The following OPCML variants were observed in gnomAD, a reference collection of about 807,000 sequenced individuals.
OPCML encodes the protein opioid binding protein/cell adhesion molecule like, also known as opioid-binding protein/cell adhesion molecule.
Under a neutral mutation model 37.8 loss-of-function variants are expected in OPCML, and 13 were observed. The observed-to-expected ratio is 0.34, with a 90% CI of 0.22 to 0.55. The LOEUF is 0.55. OPCML is among the 20% of genes least tolerant of loss of function. The probability of loss-of-function intolerance (pLI) is 0.91; values close to 1 mark genes in which losing one functional copy is unlikely to be tolerated. For synonymous variants in OPCML, 176 were observed against 168.8 expected, an observed-to-expected ratio of 1.04 and a Z score of -0.33; for missense variants, 341 against 435.6, an observed-to-expected ratio of 0.78 and a Z score of 1.93.
chr11:133,135,017 C>T (rs1282760359), intron 1 of OPCML, among the ~76,000 whole-genome samples: 2 of 152,170 alleles, frequency 1.3e-5, no homozygotes, highest in Non-Finnish European at 2.9e-5. Context: ...AAAACAGCCT[C>T]ATATTCATTT....
At chr11:132,611,889 A>G (rs958024005) in intron 3 of OPCML, among the ~76,000 whole-genome samples, 4 of 152,192 alleles carry the variant, frequency 2.6e-5, no homozygotes, top group African/African-American at 9.6e-5. Flanking sequence ...AGTCCCAGGC[A>G]AACCTTGATG....
intron 2 of OPCML, among the ~76,000 whole-genome samples, chr11:132,812,964 A>G (rs1939429958): frequency 6.6e-6 from 1 of 152,240 alleles, no homozygotes; most frequent in Non-Finnish European, 1.5e-5. Context: ...TTGTACAGCT[A>G]TGATTTACTA....
At chr11:132,489,262 T>C (rs986173171) in intron 4 of OPCML, among the ~76,000 whole-genome samples, 3 of 151,930 alleles carry the variant, frequency 2.0e-5, no homozygotes, top group Admixed American at 6.6e-5. Context: ...CGCTGGGAGG[T>C]CTTCAGGGGC....
intron 1 of OPCML, among the ~76,000 whole-genome samples, chr11:133,219,788 G>T (rs1436435118): frequency 7.3e-6 from 1 of 136,888 alleles, no homozygotes; most frequent in Non-Finnish European, 1.6e-5. Flanking sequence ...CCTTTTTTAT[G>T]ATCACAGTTT....
intron 2 of OPCML, among the ~76,000 whole-genome samples, chr11:132,824,848 TC>T (rs1349514395): frequency 6.6e-6 from 1 of 152,226 alleles, no homozygotes; most frequent in Non-Finnish European, 1.5e-5. Context: ...TGCTGCCTGT[TC>T]TTTCACCACA....
intron 3 of OPCML, among the ~76,000 whole-genome samples, chr11:132,623,246 T>A (rs999609689): frequency 6.6e-6 from 1 of 152,046 alleles, no homozygotes; most frequent in African/African-American, 2.4e-5. Flanking sequence ...GAAGTGTGAC[T>A]ACCTATCAAA....
intron 2 of OPCML, among the ~76,000 whole-genome samples, chr11:132,788,287 C>T (rs886890068): frequency 4.6e-5 from 7 of 152,130 alleles, no homozygotes; most frequent in Non-Finnish European, 1.0e-4. Flanking sequence ...GTCTTTTCAT[C>T]CACTTAATCT....
rs1943369963 is a variant in OPCML at position 132,690,775 on chromosome 11, C to T, written c.147-33456G>A. ...GATTATAGCATTGGGGTTAATAAAG[C>T]CTAAGAAAGAGGCAGGAACTCATTG... On this transcript the variant is annotated intron_variant, in intron 2 of 7. Transcript: ENST00000524381. Among the ~76,000 whole-genome samples the T allele has an allele frequency of 2.0e-5, 3 of 152,098 alleles. 1 individual carries two copies. Among genetic ancestry groups the T allele is most frequent in the Admixed American group, 1.3e-4 (2 of 15,270 alleles).
At chr11:133,106,729 A>AT (rs1284450416) in intron 1 of OPCML, among the ~76,000 whole-genome samples, 1 of 152,232 alleles carries the variant, frequency 6.6e-6, no homozygotes, top group Admixed American at 6.5e-5. Flanking sequence ...GCTGCTTAGG[A>AT]TGGGGGAGTG....
chr11:132,885,419 G>C (rs1943372261), intron 2 of OPCML, among the ~76,000 whole-genome samples: 1 of 152,102 alleles, frequency 6.6e-6, no homozygotes, highest in Admixed American at 6.5e-5. Context: ...TTTAGCTGGA[G>C]GTCAAGAGAC....
chr11:133,483,346 TATAGA>T (rs1565659205), intron 1 of OPCML, among the ~76,000 whole-genome samples: 1 of 86,508 alleles, frequency 1.2e-5, no homozygotes, highest in Non-Finnish European at 2.2e-5. Flanking sequence ...AGATAATAGA[TATAGA>T]TAGATAGATA....
At chr11:132,780,603 T>G (rs776342642) in intron 2 of OPCML, among the ~76,000 whole-genome samples, 2 of 152,164 alleles carry the variant, frequency 1.3e-5, no homozygotes, top group Non-Finnish European at 2.9e-5. Context: ...AGGTTTGAAT[T>G]GACTCAGAAT....
intron 1 of OPCML, among the ~76,000 whole-genome samples, chr11:133,377,014 G>A (rs1159324799): frequency 6.6e-6 from 1 of 152,122 alleles, no homozygotes; most frequent in Non-Finnish European, 1.5e-5. Context: ...GATGAACGGC[G>A]ACAAGCGGGC....
At chr11:132,525,446 C>T (rs1214796666) in intron 4 of OPCML, among the ~76,000 whole-genome samples, 4 of 152,184 alleles carry the variant, frequency 2.6e-5, no homozygotes, top group Non-Finnish European at 5.9e-5. Context: ...GCTAACTCCT[C>T]CACCATAATC....
chr11:132,599,950 C>T (rs1471517920), intron 3 of OPCML, among the ~76,000 whole-genome samples: 1 of 152,118 alleles, frequency 6.6e-6, no homozygotes, highest in African/African-American at 2.4e-5. Flanking sequence ...ACCGAACAAT[C>T]ATTATTTTGC....
In OPCML at chr11:133,336,259, A is replaced by G. The variant is rs11223439; in HGVS notation, c.61+196005T>C. Among the ~76,000 whole-genome samples, 1,485 of 152,270 alleles carry G rather than the reference A, an allele frequency of 9.8e-3. 31 individuals are homozygous for G. Among genetic ancestry groups the G allele is most frequent in the East Asian group, 0.047 (245 of 5,180 alleles). On this transcript the variant is annotated intron_variant, in intron 1 of 7. Transcript: ENST00000524381. The stretch of plus-strand genomic sequence containing the variant: ...GGTCTTGGGATCTGGGGGATAAATG[A>G]AGGAGATCCACTAGGTATGAGACTC...
chr11:132,441,165 G>GTTTTTTTTTTGTTTTTTTTTTTTTTTTT (rs2096031953), intron 4 of OPCML, among the ~76,000 whole-genome samples: 6 of 72,400 alleles, frequency 8.3e-5, no homozygotes, highest in African/African-American at 6.6e-4. Context: ...GGACTTTTTT[G>GTTTTTTTTTTGTTTTTTTTTTTTTTTTT]TTTTTTTTTT....
At chr11:132,621,308 C>T (rs1939393916) in intron 3 of OPCML, among the ~76,000 whole-genome samples, 1 of 152,114 alleles carries the variant, frequency 6.6e-6, no homozygotes, top group African/African-American at 2.4e-5. Context: ...TAGGTATTTT[C>T]CCAATAAAAA....
At chr11:132,813,277 T>G (rs1216597079) in intron 2 of OPCML, among the ~76,000 whole-genome samples, 1 of 152,228 alleles carries the variant, frequency 6.6e-6, no homozygotes, top group Non-Finnish European at 1.5e-5. Context: ...GTGTCTCAAT[T>G]ATAACTAGGC....
Sources: gnomAD v4.1 joint callset for allele counts (sites outside exome capture counted in the v4.1 genomes callset) on GRCh38, gnomAD v4.1.1 for gene constraint, MANE v1.5 for transcripts, NCBI Gene and HGNC (gene_info 2026-07-23, HGNC 2026-07-21) for gene names.